Variants in UBE3C observed in about 807,000 individuals in gnomAD.
UBE3C encodes the protein ubiquitin-protein ligase E3C.
Under a neutral mutation model 129.4 loss-of-function variants are expected in UBE3C, and 42 were observed. The ratio of observed to expected loss-of-function variants is 0.32; its 90% confidence interval spans 0.25 to 0.42. The LOEUF is 0.42. UBE3C is among the 10% of genes least tolerant of loss of function. UBE3C has a pLI of 1.00. For synonymous variants in UBE3C, 510 were observed against 492.4 expected, an observed-to-expected ratio of 1.04 and a Z score of -0.47; for missense variants, 1,049 against 1,319.1, an observed-to-expected ratio of 0.80 and a Z score of 3.17.
chr7:157,261,475 CAT>C (rs74472351), intron 22 of UBE3C, among the ~76,000 whole-genome samples: 19,812 of 151,950 alleles, frequency 0.13, 1,538 homozygotes, highest in African/African-American at 0.2. Context: ...AATGTTCTAA[CAT>C]ATGTGAAATT....
At chr7:157,198,232 A>G (rs1462515914) in intron 10 of UBE3C, 10 of 1,375,774 alleles carry the variant, frequency 7.3e-6, no homozygotes, top group African/African-American at 5.7e-5. Flanking sequence ...GAATTACCCA[A>G]TCTGTATCCT....
intron 5 of UBE3C, among the ~76,000 whole-genome samples, chr7:157,178,423 G>A (rs896627950): frequency 2.6e-5 from 4 of 152,040 alleles, no homozygotes; most frequent in African/African-American, 7.3e-5. Context: ...TTAATTTTTC[G>A]TGTTCATTTC....
chr7:157,220,472 T>C (rs893175510), intron 14 of UBE3C, among the ~76,000 whole-genome samples: 6 of 152,214 alleles, frequency 3.9e-5, no homozygotes, highest in African/African-American at 1.2e-4. Flanking sequence ...CTTTGGGGCA[T>C]ATTAGAAAAC....
intron 22 of UBE3C, among the ~76,000 whole-genome samples, chr7:157,260,603 A>G (rs1294076322): frequency 6.6e-6 from 1 of 152,204 alleles, no homozygotes; most frequent in Admixed American, 6.5e-5. Flanking sequence ...TAATTTTGTC[A>G]TTAACATTTA....
intron 2 of UBE3C, among the ~76,000 whole-genome samples, chr7:157,167,517 T>C (rs1218610759): frequency 6.6e-6 from 1 of 152,198 alleles, no homozygotes; most frequent in East Asian, 1.9e-4. Flanking sequence ...TGCATTTGTA[T>C]ATAAAATGCC....
intron 18 of UBE3C, chr7:157,231,937 A>G (rs1415973736): frequency 6.6e-6 from 1 of 152,534 alleles, no homozygotes; most frequent in African/African-American, 2.4e-5. Context: ...GGAGGCTTAG[A>G]AAAACTGAAA....
chr7:157,231,065 A>ATT lies in UBE3C; in HGVS notation c.2234-7_2234-6dup. 1 of 1,586,248 alleles carries ATT rather than the reference A, an allele frequency of 6.3e-7. No individual in the cohort carries two copies. The highest frequency in any genetic ancestry group is 8.6e-7 in the Non-Finnish European group (1 of 1,163,066). On this transcript the variant is annotated splice_polypyrimidine_tract_variant and intron_variant, in intron 17 of 22. Coordinates refer to ENST00000348165, the MANE Select transcript of UBE3C (RefSeq NM_014671.3). ...TAACATCTTTCCTCCTCACCCTCCC[A>ATT]TTTTTTTTTAACAGAGCCTGATTTG...
chr7:157,245,521 A>G lies in UBE3C; in HGVS notation c.2482-2847A>G, dbSNP rs557273001. ...AAACAAACTGTGACTTTTCAACACAACTTTCTTTACATTATCAGGAGATGA... is the reference window on the plus strand; with the variant it reads ...AAACAAACTGTGACTTTTCAACACAGCTTTCTTTACATTATCAGGAGATGA... On this transcript the variant is annotated intron_variant, in intron 18 of 22. Transcript: ENST00000348165. 3.3e-5 allele frequency among the ~76,000 whole-genome samples: 5 copies of G among 152,324 alleles called. No homozygotes were observed. The South Asian group carries it at 1.0e-3, about 32-fold the overall frequency.
chr7:157,225,524 C>T lies in UBE3C; in HGVS notation c.2218C>T (p.Leu740Phe). 1 of 1,586,686 alleles carries T rather than the reference C, an allele frequency of 6.3e-7. No homozygotes were observed. The highest frequency in any genetic ancestry group is 8.5e-7 in the Non-Finnish European group (1 of 1,172,404). ...CATTTATGAAGATGCTTATGACAAA[C>T]TTTCTCCAGAAAATGGTATATATAA... ...NYIYEDAYDK[L>F]SPENEPDLKK... The change falls in exon 17 of 23, where the codon CTT becomes TTT. Residue 740 changes from leucine (L) to phenylalanine (F), a missense_variant. Physicochemically the swap from Leu to Phe is conservative, Grantham distance 22. Transcript: ENST00000348165.
chr7:157,146,474 G>C (rs979190740), intron 1 of UBE3C, among the ~76,000 whole-genome samples: 4 of 151,922 alleles, frequency 2.6e-5, no homozygotes, highest in Non-Finnish European at 5.9e-5. Flanking sequence ...GCCCGCCTGG[G>C]CGTCCCAAAG....
chr7:157,231,314 G>A lies in UBE3C; in HGVS notation c.2468G>A (p.Arg823Lys). 1 of 1,613,608 alleles carries A rather than the reference G, an allele frequency of 6.2e-7. No homozygotes were observed. Among genetic ancestry groups the A allele is most frequent in the Middle Eastern group, 1.7e-4 (1 of 6,056 alleles). ...GCCAGACATTACTACTTCCTAGGCAGAATGCTTGGAAAGGTAAAGTAACCT... is the reference window on the plus strand; with the variant it reads ...GCCAGACATTACTACTTCCTAGGCAAAATGCTTGGAAAGGTAAAGTAACCT... ...SFARHYYFLGRMLGKALYENM... is the reference protein window; with the variant it reads ...SFARHYYFLGKMLGKALYENM... Residue 823 changes from arginine (R) to lysine (K), a missense_variant, in exon 18 of 23, where the codon AGA (arginine) becomes AAA (lysine). Around this residue, in one of 4 missense-constraint regions of UBE3C, gnomAD observed 243 missense variants for 368.7 expected, o/e 0.66. Transcript: ENST00000348165.
chr7:157,252,196 C>T (rs1182588425), intron 19 of UBE3C, among the ~76,000 whole-genome samples: 3 of 152,066 alleles, frequency 2.0e-5, no homozygotes, highest in Non-Finnish European at 4.4e-5. Flanking sequence ...AATTGGGAGC[C>T]TTGGAAGTTC....
At chr7:157,185,193 A>C (rs1030710796) in intron 9 of UBE3C, among the ~76,000 whole-genome samples, 1 of 152,262 alleles carries the variant, frequency 6.6e-6, no homozygotes, top group African/African-American at 2.4e-5. Context: ...TCTCAGCGAG[A>C]GAGAGGACAG....
intron 10 of UBE3C, chr7:157,198,090 G>T (rs1011440355): frequency 6.2e-7 from 1 of 1,612,024 alleles, no homozygotes; most frequent in Non-Finnish European, 8.5e-7. Flanking sequence ...CAGAAATTGA[G>T]CATTTGTTGG....
intron 10 of UBE3C, chr7:157,192,402 C>G: frequency 4.2e-6 from 3 of 706,978 alleles, no homozygotes; most frequent in South Asian, 2.7e-5. Flanking sequence ...ACGGGGAAGA[C>G]CATCACCCTC....
rs1449201007 is a variant in UBE3C, at chr7:157,215,627, G to GT, written c.1810-1234dup. On this transcript the variant is annotated intron_variant, in intron 13 of 22. Transcript: ENST00000348165. ...TTATAAATCAGATTGTCCTGATTTT[G>GT]TTTTTTCTGTGGTGATTTCCGTTGT... Among the ~76,000 whole-genome samples, 5 of 151,260 alleles carry GT rather than the reference G, an allele frequency of 3.3e-5. No homozygotes were observed. The East Asian group carries it at 5.8e-4, about 18-fold the overall frequency.
intron 10 of UBE3C, chr7:157,198,273 G>A (rs1003551657): frequency 2.2e-5 from 23 of 1,049,996 alleles, no homozygotes; most frequent in African/African-American, 1.1e-4. Context: ...GGTGGTGTCC[G>A]TGGGCTCTTG....
At chr7:157,248,878 G>C (rs1470107192) in intron 19 of UBE3C, among the ~76,000 whole-genome samples, 1 of 152,162 alleles carries the variant, frequency 6.6e-6, no homozygotes, top group African/African-American at 2.4e-5. Flanking sequence ...TCCCGGTGCT[G>C]GGGGTGGCCG....
At chr7:157,161,219 T>G (rs1444309460) in intron 1 of UBE3C, among the ~76,000 whole-genome samples, 1 of 152,228 alleles carries the variant, frequency 6.6e-6, no homozygotes, top group African/African-American at 2.4e-5. Context: ...CTGCTTAATG[T>G]AGAAGTGAGT....
Sources: gnomAD v4.1 joint callset for allele counts (sites outside exome capture counted in the v4.1 genomes callset) on GRCh38, gnomAD v4.1.1 for gene constraint, gnomAD v4.1.1 regional missense constraint, MANE v1.5 for transcripts, NCBI Gene and HGNC (gene_info 2026-07-23, HGNC 2026-07-21) for gene names.